The following ZNF124 variants were observed in gnomAD, a reference collection of about 807,000 sequenced individuals.
The protein encoded by ZNF124 is zinc finger protein HZF-16.
Under a neutral mutation model 26.6 loss-of-function variants are expected in ZNF124, and 25 were observed. The observed-to-expected ratio is 0.94, with a 90% CI of 0.68 to 1.31. ZNF124 has a LOEUF of 1.31. Among genes scored for constraint, ZNF124 ranks in the 40% most tolerant of loss-of-function variants. The pLI is 0.00. For synonymous variants in ZNF124, 129 were observed against 133.3 expected, an observed-to-expected ratio of 0.97 and a Z score of 0.22; for missense variants, 444 against 422.2, an observed-to-expected ratio of 1.05 and a Z score of -0.45.
At chr1:247,151,772 C>T (rs995774127), downstream of ZNF124, among the ~76,000 whole-genome samples, 9 of 151,318 alleles carry the variant, frequency 5.9e-5, no homozygotes, top group Admixed American at 4.6e-4. Flanking sequence ...TGCATCAGCA[C>T]GGAGTGATTA....
exon 4 of ZNF124, chr1:247,123,198 T>C (rs1672120278): frequency 6.6e-6 from 1 of 152,180 alleles, no homozygotes; most frequent in Admixed American, 6.6e-5. Context: ...CATATTATGT[T>C]CTTTTTTTTT....
At chr1:247,123,734 A>G (rs1274976971) in exon 4 of ZNF124, 2 of 611,262 alleles carry the variant, frequency 3.3e-6, no homozygotes, top group Non-Finnish European at 5.9e-6. Context: ...AGGTTTAGAG[A>G]AGCTGCTTGA....
intron 3 of ZNF124, among the ~76,000 whole-genome samples, chr1:247,132,011 G>A (rs999546319): frequency 7.2e-5 from 11 of 152,204 alleles, no homozygotes; most frequent in Admixed American, 2.6e-4. Context: ...ACCCTATTCA[G>A]GAGTGATGCT....
At chr1:247,124,950 G>GC (rs1156433973) in intron 3 of ZNF124, among the ~76,000 whole-genome samples, 1 of 151,990 alleles carries the variant, frequency 6.6e-6, no homozygotes, top group East Asian at 1.9e-4. Context: ...GGCACACACC[G>GC]CCATGCCCGG....
chr1:247,144,002 G>A (rs1042982033), intron 3 of ZNF124, among the ~76,000 whole-genome samples: 1 of 152,176 alleles, frequency 6.6e-6, no homozygotes. Flanking sequence ...GACCGTGAAG[G>A]GTGATGTGGA....
intron 3 of ZNF124, among the ~76,000 whole-genome samples, chr1:247,134,876 A>C (rs950331844): frequency 1.3e-4 from 20 of 152,256 alleles, no homozygotes; most frequent in African/African-American, 4.8e-4. Flanking sequence ...GCAAATGCAA[A>C]TGAACTGAAA....
At chr1:247,172,232 G>A (rs1674117704), upstream of ZNF124, 1 of 149,758 alleles carries the variant, frequency 6.7e-6, no homozygotes, top group Non-Finnish European at 1.5e-5. Flanking sequence ...GCCTTGCCTA[G>A]GGGACATTCA....
Position 247,157,168 on chromosome 1 carries a change from A to C in ZNF124, c.454T>G (p.Cys152Gly). ...CCTAAGGCTTTCCCACATTCCATAC[A>C]TTCATAGGGTTTCTCTCCAGTGTGA... The part of the protein sequence containing the change: ...RNHTGEKPYE[C>G]MECGKALGFS... The change falls in exon 4 of 4, where the codon TGT becomes GGT. Residue 152 changes from cysteine (C) to glycine (G), a missense_variant. Physicochemically the swap from Cys to Gly is radical, Grantham distance 159 (BLOSUM62 -3). Transcript: ENST00000543802. The C allele has an allele frequency of 6.2e-7, 1 of 1,614,074 alleles. No homozygotes were observed. Among genetic ancestry groups the C allele is most frequent in the Non-Finnish European group, 8.5e-7 (1 of 1,179,914 alleles).
intron 1 of ZNF124, among the ~76,000 whole-genome samples, chr1:247,169,290 T>C (rs1673959484): frequency 6.6e-6 from 1 of 152,138 alleles, no homozygotes; most frequent in South Asian, 2.1e-4. Flanking sequence ...GTCTCCTCAT[T>C]GGAGAGACCA....
At position 247,156,562 on chromosome 1, in the gene ZNF124, G is replaced by A. The variant is rs867296841; in HGVS notation, c.*4C>T. 1 of 1,525,002 alleles carries A rather than the reference G, an allele frequency of 6.6e-7. No homozygotes were observed. Among genetic ancestry groups the A allele is most frequent in the Non-Finnish European group, 8.8e-7 (1 of 1,142,510 alleles). 94.5% of individuals were successfully genotyped at this position (1,525,002 alleles called of 1,614,324 possible). ...TTTGACAAAAACTGTAGTGATTAAA[G>A]CCTTTACATTTTTTTACATTTATAG... On this transcript the variant is annotated 3_prime_UTR_variant, in exon 4 of 4. Transcript: ENST00000543802.
In ZNF124 at chr1:247,157,336, A is replaced by G. The variant is rs1326713937; in HGVS notation, c.286T>C (p.Cys96Arg). 10 of 1,565,820 alleles carry G rather than the reference A, an allele frequency of 6.4e-6. No homozygotes were observed. Among genetic ancestry groups the G allele is most frequent in the African/African-American group, 5.4e-5 (4 of 73,570 alleles). The change falls in exon 4 of 4, where the codon TGT becomes CGT. Residue 96 changes from cysteine to arginine, a missense_variant. Physicochemically the swap from Cys to Arg is radical, Grantham distance 180. Coordinates refer to ENST00000543802, the MANE Select transcript of ZNF124 (RefSeq NM_001297568.2). ...AGGGAAGTTTTCTGACATTGTTTAC[A>G]TGTACATGGCTTCTTTCCGCATTCC... Reference protein sequence around the residue: ...CEECGKKPCTCKQCQKTSLSV... With the variant: ...CEECGKKPCTRKQCQKTSLSV...
rs373959421 is a variant in ZNF124, at chr1:247,159,811, G to C, written c.33C>G (p.Asn11Lys). 8.1e-6 allele frequency: 13 copies of C among 1,609,298 alleles called. No homozygotes were observed. Among genetic ancestry groups the C allele is most frequent in the African/African-American group, 6.7e-5 (5 of 74,630 alleles). MSGHPGSWEMNSVAFEDVAVN... is the reference protein window; with the variant it reads MSGHPGSWEMKSVAFEDVAVN... Reference sequence around the variant, plus strand: ...CAGCCACATCCTCAAAGGCAACCGAGTTCTAAAATATTCCACATTTTTGTA... The same window carrying C: ...CAGCCACATCCTCAAAGGCAACCGACTTCTAAAATATTCCACATTTTTGTA... The change falls in exon 2 of 4, where the codon AAC becomes AAG. Residue 11 changes from asparagine to lysine, a missense_variant and splice_region_variant. By Grantham distance (94) the Asn-to-Lys change is moderately conservative. Transcript: ENST00000543802.
At chr1:247,125,414 C>T (rs1272776840) in intron 3 of ZNF124, among the ~76,000 whole-genome samples, 3 of 136,252 alleles carry the variant, frequency 2.2e-5, no homozygotes, top group East Asian at 2.1e-4. Flanking sequence ...GTATCTTCAC[C>T]GACACCTGTT....
chr1:247,162,619 A>C (rs1365967476), intron 1 of ZNF124, among the ~76,000 whole-genome samples: 6 of 91,834 alleles, frequency 6.5e-5, no homozygotes, highest in African/African-American at 3.0e-4. Context: ...AACCCTTGGC[A>C]AAAAAAAAAA....
intron 1 of ZNF124, among the ~76,000 whole-genome samples, chr1:247,165,785 A>G (rs1279665825): frequency 3.9e-5 from 6 of 152,202 alleles, no homozygotes; most frequent in African/African-American, 1.4e-4. Flanking sequence ...AGATATACAA[A>G]CATGAGAAAA....
intron 3 of ZNF124, among the ~76,000 whole-genome samples, chr1:247,126,322 T>C (rs1013494400): frequency 9.7e-6 from 1 of 103,514 alleles, no homozygotes; most frequent in African/African-American, 4.0e-5. Flanking sequence ...ACTAAGAGTC[T>C]GAGGGGGCGG....
chr1:247,125,796 G>A (rs896855019), intron 3 of ZNF124, among the ~76,000 whole-genome samples: 1 of 152,174 alleles, frequency 6.6e-6, no homozygotes, highest in African/African-American at 2.4e-5. Flanking sequence ...ATTGAGAGAG[G>A]ATTCAAACAG....
At chr1:247,146,967 T>C (rs1672797744) in intron 3 of ZNF124, among the ~76,000 whole-genome samples, 1 of 152,156 alleles carries the variant, frequency 6.6e-6, no homozygotes, top group Non-Finnish European at 1.5e-5. Flanking sequence ...TCCATGGGCA[T>C]GCCCAGTTAT....
downstream of ZNF124, among the ~76,000 whole-genome samples, chr1:247,151,012 A>G (rs1259728412): frequency 6.6e-6 from 1 of 152,136 alleles, no homozygotes; most frequent in Admixed American, 6.5e-5. Context: ...TAAATCAAGA[A>G]GAAAAAGAGC....
Sources: allele counts gnomAD v4.1 joint callset (sites outside exome capture counted in the v4.1 genomes callset), GRCh38; gene constraint gnomAD v4.1.1; transcripts MANE v1.5; gene names NCBI Gene and HGNC (gene_info 2026-07-23, HGNC 2026-07-21).